The following DLGAP1 variants were observed in gnomAD, a reference collection of about 807,000 sequenced individuals.
DLGAP1 encodes disks large-associated protein 1.
Under a neutral mutation model 90.8 loss-of-function variants are expected in DLGAP1, and 11 were observed. The observed-to-expected ratio is 0.12, with a 90% confidence interval of 0.08 to 0.20. The LOEUF (loss-of-function observed/expected upper bound fraction) is 0.20, where lower values mean the gene tolerates loss of function less well. DLGAP1 is among the 10% of genes least tolerant of loss of function. The pLI, the probability that DLGAP1 is intolerant of heterozygous loss-of-function variation, is 1.00. For synonymous variants in DLGAP1, 558 were observed against 540.7 expected (o/e 1.03, Z -0.44); for missense variants, 1,050 against 1,333.8 (o/e 0.79, Z 3.31).
At chr18:4,040,085 A>G (rs571988332) in intron 2 of DLGAP1, among the ~76,000 whole-genome samples, 160 of 152,312 alleles carry the variant, frequency 1.1e-3, no homozygotes, top group Non-Finnish European at 1.5e-3. Context: ...GATGTTTTAG[A>G]ATAATATGCC....
At chr18:3,996,521 A>G (rs1224490592) in intron 3 of DLGAP1, among the ~76,000 whole-genome samples, 1 of 152,098 alleles carries the variant, frequency 6.6e-6, no homozygotes, top group Non-Finnish European at 1.5e-5. Flanking sequence ...TGCATAGGCT[A>G]TAAGTGAAAA....
intron 7 of DLGAP1, among the ~76,000 whole-genome samples, chr18:3,695,744 T>A (rs1030069735): frequency 1.1e-4 from 16 of 152,336 alleles, no homozygotes; most frequent in African/African-American, 3.8e-4. Flanking sequence ...GTGAAGAAAG[T>A]CAGTGGTGGC....
chr18:4,162,956 C>G (rs537147828), intron 1 of DLGAP1, among the ~76,000 whole-genome samples: 3 of 151,854 alleles, frequency 2.0e-5, no homozygotes, highest in Admixed American at 6.6e-5. Flanking sequence ...TTGAGCTAGT[C>G]GCAAAGTACT....
intron 7 of DLGAP1, chr18:3,656,026 G>A (rs1860435123): frequency 2.0e-6 from 3 of 1,480,072 alleles, no homozygotes; most frequent in East Asian, 2.5e-5. Flanking sequence ...TTAGCTACAA[G>A]CCACGCTATG....
At chr18:3,981,696 C>T (rs1351830348) in intron 3 of DLGAP1, among the ~76,000 whole-genome samples, 1 of 152,156 alleles carries the variant, frequency 6.6e-6, no homozygotes, top group African/African-American at 2.4e-5. Flanking sequence ...TGGCTTGGGA[C>T]AAAATGCTTG....
At chr18:4,335,370 T>G (rs529032758) in intron 1 of DLGAP1, among the ~76,000 whole-genome samples, 123 of 152,020 alleles carry the variant, frequency 8.1e-4, no homozygotes, top group African/African-American at 2.9e-3. Context: ...CAAGGATCAT[T>G]CCTAGGTCCT....
chr18:4,315,705 A>G (rs1239632862), intron 1 of DLGAP1, among the ~76,000 whole-genome samples: 2 of 152,232 alleles, frequency 1.3e-5, no homozygotes, highest in Non-Finnish European at 2.9e-5. Context: ...CCCAGGTATC[A>G]GATATTTTAA....
intron 1 of DLGAP1, among the ~76,000 whole-genome samples, chr18:4,158,441 C>A (rs1268004455): frequency 1.3e-5 from 2 of 152,104 alleles, no homozygotes; most frequent in Non-Finnish European, 2.9e-5. Context: ...TGCCCTGGGC[C>A]CTGCAAATTA....
At chr18:4,298,214 C>T (rs1443143914) in intron 1 of DLGAP1, among the ~76,000 whole-genome samples, 7 of 152,116 alleles carry the variant, frequency 4.6e-5, no homozygotes, top group Non-Finnish European at 1.0e-4. Flanking sequence ...TTTCTAGATG[C>T]GAGGTTTGCA....
In DLGAP1 at chr18:4,334,981, T is replaced by C. The variant is rs572492962; in HGVS notation, c.-267+120025A>G. Among the ~76,000 whole-genome samples the C allele has an allele frequency of 1.9e-4, 29 of 152,028 alleles. 1 individual carries two copies. The South Asian group carries it at 3.7e-3, about 20-fold the overall frequency. On this transcript the variant is annotated intron_variant, in intron 1 of 12. Transcript: ENST00000315677. ...GCTTTGAACAATTGTTAACACTGAA[T>C]GTGAATGTATACATCATTTCATGCA... is the stretch of plus-strand genomic sequence containing the variant.
chr18:4,283,612 C>G (rs149948791), intron 1 of DLGAP1, among the ~76,000 whole-genome samples: 3 of 151,996 alleles, frequency 2.0e-5, no homozygotes, highest in South Asian at 4.1e-4. Context: ...AGGGAGAGTG[C>G]GAAAAGTTTC....
In DLGAP1 at chr18:3,879,446, A is replaced by T; in HGVS notation, c.623T>A (p.Leu208Gln). 6.2e-7 allele frequency: 1 copy of T among 1,608,128 alleles called. No individual in the cohort carries two copies. The highest frequency in any genetic ancestry group is 8.5e-7 in the Non-Finnish European group (1 of 1,179,940). The change falls in exon 4 of 13, where the codon CTG (leucine) becomes CAG (glutamine). Residue 208 changes from leucine (L) to glutamine (Q), a missense_variant. Around this residue, in one of 2 missense-constraint regions of DLGAP1, gnomAD observed 485 missense variants for 454.1 expected, o/e 1.07. Transcript: ENST00000315677. This position sits in a 1 kb window ranked among gnomAD's most constrained non-coding sequence, Gnocchi z 6.6. The part of the protein sequence containing the change: ...SPGWWSSDDN[L>Q]DGDMCIYHAP... ...GTGGTAGATGCACATGTCACCATCC[A>T]GGTTGTCGTCCGAGCTCCACCAGCC...
chr18:3,596,800 C>T (rs1017424099), intron 7 of DLGAP1: 1 of 518,932 alleles, frequency 1.9e-6, no homozygotes, highest in Non-Finnish European at 3.9e-6. Flanking sequence ...AAGTGGACAC[C>T]TCAGCAAAGC....
At chr18:4,088,446 T>C (rs2075719959) in intron 2 of DLGAP1, among the ~76,000 whole-genome samples, 1 of 152,186 alleles carries the variant, frequency 6.6e-6, no homozygotes, top group African/African-American at 2.4e-5. Context: ...TGTGTGTGTG[T>C]GTGTGTGTCT....
chr18:3,700,305 G>C (rs1326786165), intron 7 of DLGAP1, among the ~76,000 whole-genome samples: 2 of 152,180 alleles, frequency 1.3e-5, no homozygotes, highest in Admixed American at 6.5e-5. Context: ...CATGGGAAAA[G>C]CATAGTATCT....
chr18:4,146,621 G>C (rs2076589463), intron 2 of DLGAP1, among the ~76,000 whole-genome samples: 1 of 152,024 alleles, frequency 6.6e-6, no homozygotes, highest in African/African-American at 2.4e-5. Context: ...GTTGGGGCTA[G>C]GACATTTATG....
chr18:4,355,160 C>G (rs1226998789), intron 1 of DLGAP1, among the ~76,000 whole-genome samples: 1 of 152,196 alleles, frequency 6.6e-6, no homozygotes. Context: ...TTATGTGCAC[C>G]CAAGAATCTG....
chr18:3,618,864 G>A (rs1410944115), intron 7 of DLGAP1, among the ~76,000 whole-genome samples: 4 of 150,730 alleles, frequency 2.7e-5, no homozygotes, highest in African/African-American at 4.9e-5. Context: ...GTGTGAACCT[G>A]GGAAGCGGAG....
intron 8 of DLGAP1, among the ~76,000 whole-genome samples, chr18:3,581,078 G>C (rs1353667069): frequency 6.6e-6 from 1 of 152,174 alleles, no homozygotes; most frequent in Non-Finnish European, 1.5e-5. Flanking sequence ...AACTAGGCTT[G>C]AACCCCACAG....
Sources: gnomAD v4.1 joint callset for allele counts (sites outside exome capture counted in the v4.1 genomes callset) on GRCh38, gnomAD v4.1.1 for gene constraint, gnomAD v4.1.1 regional missense constraint, Gnocchi (gnomAD v3.1) non-coding constraint, MANE v1.5 for transcripts, NCBI Gene and HGNC (gene_info 2026-07-23, HGNC 2026-07-21) for gene names.